Variants in PKIA observed in about 807,000 individuals in gnomAD.
PKIA encodes PKI-alpha.
Under a neutral mutation model 7.6 loss-of-function variants are expected in PKIA, and 4 were observed. That is an observed-to-expected ratio of 0.52 (90% CI 0.26 to 1.20). The LOEUF (loss-of-function observed/expected upper bound fraction) is 1.20. Among genes scored for constraint, PKIA ranks in the 50% most tolerant of loss-of-function variants. PKIA has a pLI of 0.13. For synonymous variants in PKIA, 21 were observed against 30.7 expected (o/e 0.68, Z 1.04); for missense variants, 73 against 86.2 (o/e 0.85, Z 0.61).
chr8:78,546,771 C>T (rs1806835146), intron 1 of PKIA, among the ~76,000 whole-genome samples: 1 of 152,088 alleles, frequency 6.6e-6, no homozygotes, highest in Non-Finnish European at 1.5e-5. Context: ...TCTGAAGCCA[C>T]CAGTAAAACT....
chr8:78,532,355 A>G (rs1455916698), intron 1 of PKIA, among the ~76,000 whole-genome samples: 1 of 152,002 alleles, frequency 6.6e-6, no homozygotes, highest in African/African-American at 2.4e-5. Flanking sequence ...CTTTTAGCCA[A>G]AGGAAAGCAC....
At chr8:78,594,793 C>T (rs975445122) in intron 2 of PKIA, among the ~76,000 whole-genome samples, 12 of 151,828 alleles carry the variant, frequency 7.9e-5, no homozygotes, top group African/African-American at 2.4e-4. Context: ...TCAATTCATC[C>T]GAAAAAGAAA....
intron 1 of PKIA, among the ~76,000 whole-genome samples, chr8:78,516,949 C>G (rs142916725): frequency 5.9e-5 from 9 of 152,246 alleles, no homozygotes; most frequent in Non-Finnish European, 1.3e-4. Flanking sequence ...ACACCTGCTT[C>G]AAGACTGAAC....
chr8:78,534,112 T>C (rs1056395999), intron 1 of PKIA: 1 of 152,174 alleles, frequency 6.6e-6, no homozygotes, highest in Non-Finnish European at 1.5e-5. Flanking sequence ...TTATGACTTG[T>C]AGTAATATTA....
chr8:78,566,950 T>C (rs1023379656), intron 1 of PKIA, among the ~76,000 whole-genome samples: 20 of 152,178 alleles, frequency 1.3e-4, no homozygotes, highest in Non-Finnish European at 2.9e-5. Flanking sequence ...TGAATTGGAA[T>C]TACCAACCAT....
intron 1 of PKIA, chr8:78,558,490 C>G (rs149858378): frequency 1.3e-3 from 201 of 157,388 alleles, no homozygotes; most frequent in African/African-American, 4.7e-3. Context: ...TTCATGGCAG[C>G]GGCAAGAGAC....
intron 1 of PKIA, among the ~76,000 whole-genome samples, chr8:78,568,829 A>G (rs1053858258): frequency 1.3e-5 from 2 of 152,154 alleles, no homozygotes; most frequent in African/African-American, 4.8e-5. Context: ...ACCATAGGTC[A>G]TGGTTACAGA....
rs1343335898 is a variant in PKIA, at chr8:78,597,937, A to G, written c.-27-421A>G. Among the ~76,000 whole-genome samples the G allele has an allele frequency of 3.3e-5, 5 of 152,004 alleles. No individual in the cohort carries two copies. In the East Asian group the frequency reaches 7.7e-4, roughly 23 times the overall value. ...GATGGAGCTGAAGGCCATTATCCTA[A>G]GTAAATTAATGCAGGAACAGAAAAC... On this transcript the variant is annotated intron_variant, in intron 2 of 3. Transcript: ENST00000396418.
intron 1 of PKIA, among the ~76,000 whole-genome samples, chr8:78,554,649 A>G (rs897303237): frequency 4.6e-5 from 7 of 152,006 alleles, no homozygotes; most frequent in Non-Finnish European, 4.4e-5. Flanking sequence ...TACAGACATA[A>G]TAACAAGCAG....
rs545852990 is a variant in PKIA, at chr8:78,558,914, GGTTTGTTT to G, written c.-156-13880_-156-13873del. On this transcript the variant is annotated intron_variant, in intron 1 of 3. Coordinates refer to ENST00000396418, the MANE Select transcript of PKIA (RefSeq NM_006823.4). ...GAAACTGTGCATTTAATACATTATG[GGTTTGTTT>G]GTTTGTTTGTTTGTTTTGAGACGGA... Among the ~76,000 whole-genome samples the G allele has an allele frequency of 4.0e-5, 6 of 151,896 alleles. No individual in the cohort carries two copies. In the South Asian group the frequency reaches 6.2e-4, roughly 16 times the overall value.
chr8:78,535,674 T>G (rs1294833647), intron 1 of PKIA: 1 of 152,072 alleles, frequency 6.6e-6, no homozygotes, highest in African/African-American at 2.4e-5. Context: ...GAAAGTACAT[T>G]CAGCCCTCCG....
chr8:78,572,541 GCACACACACACACACACA>G, intron 1 of PKIA, among the ~76,000 whole-genome samples: 1 of 98,446 alleles, frequency 1.0e-5, no homozygotes, highest in Non-Finnish European at 2.1e-5. Context: ...AAAGCTGCAC[GCACACACACACACACACA>G]CACACACACA....
At chr8:78,537,869 A>C (rs755517072) in intron 1 of PKIA, among the ~76,000 whole-genome samples, 24 of 152,042 alleles carry the variant, frequency 1.6e-4, no homozygotes, top group Non-Finnish European at 3.4e-4. Flanking sequence ...CTTTTGAACC[A>C]CCATTGCTCT....
At chr8:78,534,966 G>A (rs1215553215) in intron 1 of PKIA, 1 of 152,152 alleles carries the variant, frequency 6.6e-6, no homozygotes. Flanking sequence ...GGCATTTAAA[G>A]TTTCCCTGCC....
intron 1 of PKIA, among the ~76,000 whole-genome samples, chr8:78,559,012 C>T (rs1267767789): frequency 6.6e-6 from 1 of 152,162 alleles, no homozygotes; most frequent in Admixed American, 6.5e-5. Flanking sequence ...ACCTCCGCCT[C>T]CTGGGTTCCA....
chr8:78,593,548 G>A (rs1808155955), intron 2 of PKIA, among the ~76,000 whole-genome samples: 1 of 152,192 alleles, frequency 6.6e-6, no homozygotes. Context: ...AGATTGATGT[G>A]CATGTTCAGT....
chr8:78,572,354 A>T (rs1449217926), intron 1 of PKIA, among the ~76,000 whole-genome samples: 1 of 151,966 alleles, frequency 6.6e-6, no homozygotes, highest in Non-Finnish European at 1.5e-5. Context: ...TTTATGAAGA[A>T]CTAAATTTAG....
At chr8:78,524,109 T>C (rs1315281250) in intron 1 of PKIA, among the ~76,000 whole-genome samples, 2 of 120,392 alleles carry the variant, frequency 1.7e-5, no homozygotes, top group Admixed American at 8.3e-5. Context: ...TATATATAAA[T>C]ATATGTATAA....
rs1320602768 is a variant in PKIA at position 78,603,052 on chromosome 8, T to G, written c.*1231T>G. On this transcript the variant is annotated 3_prime_UTR_variant, in exon 4 of 4. Coordinates refer to ENST00000396418, the MANE Select transcript of PKIA (RefSeq NM_006823.4). Reference sequence around the variant, plus strand: ...GAATTGCATTCTGATACAATAATGATTATCATTAGAAGCTAACAAAATTCT... The same window carrying G: ...GAATTGCATTCTGATACAATAATGAGTATCATTAGAAGCTAACAAAATTCT... 1 of 152,448 alleles carries G rather than the reference T, an allele frequency of 6.6e-6. No homozygotes were observed. Among genetic ancestry groups the G allele is most frequent in the Non-Finnish European group, 1.5e-5 (1 of 67,958 alleles). 9.4% of individuals were successfully genotyped at this position (152,448 alleles called of 1,614,324 possible).
Sources: gnomAD v4.1 joint callset for allele counts (sites outside exome capture counted in the v4.1 genomes callset) on GRCh38, gnomAD v4.1.1 for gene constraint, MANE v1.5 for transcripts, NCBI Gene and HGNC (gene_info 2026-07-23, HGNC 2026-07-21) for gene names.